Variants in PPP2R2C observed in about 807,000 individuals in gnomAD.
PPP2R2C encodes the protein protein phosphatase 2 regulatory subunit Bgamma, also known as protein phosphatase 2, regulatory subunit B, gamma.
Under a neutral mutation model 45.3 loss-of-function variants are expected in PPP2R2C, and 10 were observed. That is an observed-to-expected ratio of 0.22 (90% CI 0.14 to 0.37). PPP2R2C has a LOEUF of 0.37. Among genes scored for constraint, PPP2R2C ranks in the 10% least tolerant of loss-of-function variants. The pLI is 1.00. For missense variants in PPP2R2C, 308 were observed against 619.7 expected (o/e 0.50, Z 5.34); for synonymous variants, 257 against 245.4 (o/e 1.05, Z -0.44).
At chr4:6,363,570 C>T (rs929039725) in intron 5 of PPP2R2C, among the ~76,000 whole-genome samples, 2 of 151,330 alleles carry the variant, frequency 1.3e-5, no homozygotes, top group Non-Finnish European at 2.9e-5. Context: ...CACAGTGAGT[C>T]TCCATCTCAA....
intron 1 of PPP2R2C, among the ~76,000 whole-genome samples, chr4:6,390,002 A>AAAATGAG (rs1377077970): frequency 3.3e-5 from 5 of 152,128 alleles, no homozygotes; most frequent in African/African-American, 1.2e-4. Flanking sequence ...CGCCCCACCC[A>AAAATGAG]CGTCTATGAA....
chr4:6,423,242 C>T (rs905938403), intron 1 of PPP2R2C, among the ~76,000 whole-genome samples: 6 of 152,214 alleles, frequency 3.9e-5, no homozygotes, highest in Admixed American at 1.3e-4. Context: ...CTCACTCTGT[C>T]ACCCAGGCTG....
chr4:6,424,373 C>T (rs1433382365), intron 1 of PPP2R2C, among the ~76,000 whole-genome samples: 4 of 152,194 alleles, frequency 2.6e-5, no homozygotes, highest in East Asian at 1.9e-4. Flanking sequence ...ATCTTATAGG[C>T]GGTGCTAAGT....
chr4:6,382,306 C>T (rs1715859492), intron 1 of PPP2R2C: 6 of 1,283,280 alleles, frequency 4.7e-6, no homozygotes, highest in Admixed American at 2.3e-5. Flanking sequence ...CTGTAGTCTC[C>T]AAAATCTGTG....
chr4:6,482,187 A>C (rs1409297955), intron 2 of PPP2R2C, among the ~76,000 whole-genome samples: 1 of 152,212 alleles, frequency 6.6e-6, no homozygotes, highest in African/African-American at 2.4e-5. Flanking sequence ...CATAACAATA[A>C]CAACCATTTA....
intron 2 of PPP2R2C, among the ~76,000 whole-genome samples, chr4:6,490,791 C>T (rs1188121903): frequency 6.6e-6 from 1 of 152,186 alleles, no homozygotes; most frequent in African/African-American, 2.4e-5. Flanking sequence ...GTTGCAGCCC[C>T]GCTCCCATGC....
At chr4:6,450,930 A>G (rs988303750) in intron 1 of PPP2R2C, among the ~76,000 whole-genome samples, 5 of 152,098 alleles carry the variant, frequency 3.3e-5, no homozygotes, top group African/African-American at 1.2e-4. Flanking sequence ...TCAGCCCCAC[A>G]GTCTGGAATG....
chr4:6,509,315 G>T (rs2108800074), intron 2 of PPP2R2C, among the ~76,000 whole-genome samples: 1 of 152,220 alleles, frequency 6.6e-6, no homozygotes, highest in Non-Finnish European at 1.5e-5. Context: ...CTTCATCTCA[G>T]TCTGCATCTC....
At chr4:6,346,492 C>T (rs1359518583) in intron 6 of PPP2R2C, among the ~76,000 whole-genome samples, 1 of 152,176 alleles carries the variant, frequency 6.6e-6, no homozygotes, top group East Asian at 1.9e-4. Flanking sequence ...CTCACCATGC[C>T]CTGACATGCG....
At chr4:6,472,804 T>C (rs1387484396), upstream of PPP2R2C, among the ~76,000 whole-genome samples, 1 of 151,484 alleles carries the variant, frequency 6.6e-6, no homozygotes, top group East Asian at 2.0e-4. Flanking sequence ...ACCGCCAGCT[T>C]GCGGGGAGAG....
At chr4:6,326,284 A>G (rs901438656) in intron 8 of PPP2R2C, among the ~76,000 whole-genome samples, 2 of 152,090 alleles carry the variant, frequency 1.3e-5, no homozygotes, top group South Asian at 4.2e-4. Flanking sequence ...GAGATGGGGA[A>G]GCATGGAGAG....
chr4:6,449,951 C>T (rs1319313846), intron 1 of PPP2R2C, among the ~76,000 whole-genome samples: 4 of 152,248 alleles, frequency 2.6e-5, no homozygotes, highest in Admixed American at 6.5e-5. Flanking sequence ...GCGCCACCTC[C>T]TCTCCAGGCT....
At chr4:6,539,477 GTC>G (rs1264372406) in intron 1 of PPP2R2C, among the ~76,000 whole-genome samples, 1 of 152,192 alleles carries the variant, frequency 6.6e-6, no homozygotes, top group Non-Finnish European at 1.5e-5. Flanking sequence ...CGCTTCACCG[GTC>G]TCTCTCCCAA....
intron 2 of PPP2R2C, among the ~76,000 whole-genome samples, chr4:6,497,641 A>G (rs1404919715): frequency 6.6e-6 from 1 of 152,242 alleles, no homozygotes; most frequent in African/African-American, 2.4e-5. Flanking sequence ...AGCCCAAAGT[A>G]CAAACCATCA....
intron 2 of PPP2R2C, among the ~76,000 whole-genome samples, chr4:6,504,573 A>T (rs1723161799): frequency 6.6e-6 from 1 of 152,240 alleles, no homozygotes; most frequent in Non-Finnish European, 1.5e-5. Context: ...TAATGAATTT[A>T]AAAATAAGTA....
Position 6,487,986 on chromosome 4 carries a change from T to C in PPP2R2C, c.49+47285A>G, listed in dbSNP as rs574230515. ...GCTGTCTTCAAGTTAGCTAATCTTT[T>C]GTTCTGCAATGTCCTCTCTGCTGTT... On this transcript the variant is annotated intron_variant, in intron 2 of 9. Transcript: ENST00000506140. Among the ~76,000 whole-genome samples, 49 of 152,348 alleles carry C rather than the reference T, an allele frequency of 3.2e-4. 1 individual carries two copies. In the South Asian group the frequency reaches 9.7e-3, roughly 30 times the overall value.
chr4:6,544,386 A>G (rs1724907412), intron 1 of PPP2R2C, among the ~76,000 whole-genome samples: 1 of 152,126 alleles, frequency 6.6e-6, no homozygotes, highest in African/African-American at 2.4e-5. Flanking sequence ...TCTGTTGCCC[A>G]GGTTGGAGTG....
chr4:6,382,300 A>G lies in PPP2R2C; in HGVS notation c.71-1206T>C, dbSNP rs1715858732. 3.9e-6 allele frequency: 5 copies of G among 1,279,162 alleles called. No homozygotes were observed. The Admixed American group carries it at 1.2e-4, about 30-fold the overall frequency. The allele number at this position is 1,279,162 out of a possible 1,614,324, so 79.2% of individuals were successfully genotyped here. A position where few individuals can be genotyped will look rare whatever the true frequency, so the allele number is the denominator to read the frequency against. The stretch of plus-strand genomic sequence containing the variant: ...TTTGCTCTCCTGGCCTGGATTCTGT[A>G]GTCTCCAAAATCTGTGATACCACCT... On this transcript the variant is annotated intron_variant, in intron 1 of 8. Coordinates refer to ENST00000382599, the MANE Select transcript of PPP2R2C (RefSeq NM_020416.4).
intron 5 of PPP2R2C, among the ~76,000 whole-genome samples, chr4:6,366,399 G>C (rs10804978): frequency 6.6e-6 from 1 of 152,060 alleles, no homozygotes; most frequent in Non-Finnish European, 1.5e-5. Context: ...CCACATGGAA[G>C]TGGTGAACTT....
Sources: allele counts gnomAD v4.1 joint callset (sites outside exome capture counted in the v4.1 genomes callset), GRCh38; gene constraint gnomAD v4.1.1; transcripts MANE v1.5; gene names NCBI Gene and HGNC (gene_info 2026-07-23, HGNC 2026-07-21).